TSEN34: variants seen among roughly 807,000 people sequenced by gnomAD.
TSEN34 encodes the protein tRNA-splicing endonuclease subunit Sen34.
In TSEN34, 25 loss-of-function variants were observed where a neutral mutation model predicts 30.2. The ratio of observed to expected loss-of-function variants is 0.83; its 90% CI spans 0.60 to 1.16. The LOEUF is 1.16. Ranked by LOEUF, TSEN34 falls within the 50% of genes most tolerant of loss-of-function variation. The pLI is 0.00. For missense variants in TSEN34, 475 were observed against 411.9 expected (o/e 1.15, Z -1.33); for synonymous variants, 209 against 177.4 (o/e 1.18, Z -1.41).
chr19:54,194,266 T>G lies in TSEN34; in HGVS notation c.*904T>G, dbSNP rs780613700. 6.6e-6 allele frequency: 1 copy of G among 151,952 alleles called. No individual in the cohort carries two copies. The highest frequency in any genetic ancestry group is 2.4e-5 in the African/African-American group (1 of 41,364). The allele number at this position is 151,952 out of a possible 1,614,324, so 9.4% of individuals were successfully genotyped here. On this transcript the variant is annotated 3_prime_UTR_variant, in exon 4 of 4. Transcript: ENST00000396388. ...TATGAAAGGAAATGAGTATTGTAAT[T>G]TTAGGAGTTCAGAGCCTGGGGAGAA...
Position 54,191,558 on chromosome 19 carries a change from C to T in TSEN34, c.194C>T (p.Ala65Val). Residue 65 changes from alanine (A) to valine (V), a missense_variant, in exon 1 of 4, where the codon GCC (alanine) becomes GTC (valine). Physicochemically the swap from Ala to Val is moderately conservative, Grantham distance 64. Transcript: ENST00000396388. The part of the protein sequence containing the change: ...EEARLLAEIG[A>V]VTLVSAPRPD... The stretch of plus-strand genomic sequence containing the variant: ...GCGCGGCTCTTGGCCGAGATCGGCG[C>T]CGTGACTCTGGTCAGCGCCCCGCGT... 1 of 1,601,922 alleles carries T rather than the reference C, an allele frequency of 6.2e-7. No homozygotes were observed. Among genetic ancestry groups the T allele is most frequent in the Non-Finnish European group, 8.5e-7 (1 of 1,179,476 alleles).
At position 54,194,433 on chromosome 19, in the gene TSEN34, G is replaced by A. The variant is rs941657648; in HGVS notation, c.*1071G>A. 6.6e-6 allele frequency: 1 copy of A among 152,010 alleles called. No homozygotes were observed. Among genetic ancestry groups the A allele is most frequent in the African/African-American group, 2.4e-5 (1 of 41,398 alleles). The allele number at this position is 152,010 out of a possible 1,614,324, so 9.4% of individuals were successfully genotyped here. The stretch of plus-strand genomic sequence containing the variant: ...TATAAAAGCTAAAACACATGTATTT[G>A]TAAAAAATTTGCACTTATGAAATCA... On this transcript the variant is annotated 3_prime_UTR_variant, in exon 4 of 4. Transcript: ENST00000396388.
At position 54,192,109 on chromosome 19, in the gene TSEN34, C is replaced by T. The variant is rs750048066; in HGVS notation, c.488-7C>T. 2 of 1,614,084 alleles carry T rather than the reference C, an allele frequency of 1.2e-6. No individual in the cohort carries two copies. Among genetic ancestry groups the T allele is most frequent in the African/African-American group, 2.7e-5 (2 of 74,924 alleles). ...TTTACCAAACTCTTCTCTGTACTCC[C>T]CACCAGGCCCCTCGTCTTCCCAAGC... On this transcript the variant is annotated splice_region_variant and splice_polypyrimidine_tract_variant and intron_variant, in intron 2 of 3. Coordinates refer to ENST00000396388, the MANE Select transcript of TSEN34 (RefSeq NM_001077446.4).
Position 54,193,537 on chromosome 19 carries a change from T to C in TSEN34, c.*175T>C, listed in dbSNP as rs77548142. The C allele has an allele frequency of 1.0e-3, 1,587 of 1,537,510 alleles. 13 individuals carry two copies. In the African/African-American group the frequency reaches 0.019, roughly 19 times the overall value. ...GTTCTTCCTTGTTTCAAAGCACTTA[T>C]TGGCTGTGTTTTTGTAGTTACCTAT... is the stretch of plus-strand genomic sequence containing the variant. On this transcript the variant is annotated 3_prime_UTR_variant, in exon 4 of 4. Transcript: ENST00000396388.
In TSEN34 at chr19:54,193,182, C is replaced by T. The variant is rs755404813; in HGVS notation, c.753C>T (p.Pro251=). ...GGDFLVYPGD[P]LRFHAHYIAQ... The stretch of plus-strand genomic sequence containing the variant: ...CCTCTCTCCTTCCCCCAGGTGACCC[C>T]CTCCGCTTCCACGCCCATTATATCG... The change falls in exon 4 of 4, where the codon CCC becomes CCT. Residue 251 remains proline (P), a synonymous_variant. Transcript: ENST00000396388. The T allele has an allele frequency of 1.2e-6, 2 of 1,613,552 alleles. No homozygotes were observed. The highest frequency in any genetic ancestry group is 2.2e-5 in the East Asian group (1 of 44,888).
At chr19:54,191,004 C>A (rs1187696648), upstream of TSEN34, 3 of 1,119,560 alleles carry the variant, frequency 2.7e-6, no homozygotes, top group East Asian at 1.1e-4. Context: ...GCCGCGCTTG[C>A]GGAGGTTTGT....
chr19:54,190,498 G>A, upstream of TSEN34: 1 of 1,376,214 alleles, frequency 7.3e-7, no homozygotes, highest in Non-Finnish European at 9.5e-7. Context: ...CAGGGGGCGG[G>A]GCTTTCGGCT....
chr19:54,191,239 AG>A, upstream of TSEN34: 1 of 1,452,882 alleles, frequency 6.9e-7, no homozygotes, highest in Non-Finnish European at 9.0e-7. Context: ...CGGCTGAGCG[AG>A]GCCCCGCCCC....
Position 54,191,568 on chromosome 19 carries a change from GGTCAGCGCCCCGC to G in TSEN34, c.208_220del (p.Ser70GlnfsTer10). 1.2e-6 allele frequency: 2 copies of G among 1,602,248 alleles called. No individual in the cohort carries two copies. The highest frequency in any genetic ancestry group is 1.7e-6 in the Non-Finnish European group (2 of 1,179,512). ...TGGCCGAGATCGGCGCCGTGACTCT[GGTCAGCGCCCCGC>G]GTCCAGACTCTCGGCACCACAGCCT... On this transcript the variant is annotated frameshift_variant, in exon 1 of 4. Coordinates refer to ENST00000396388, the MANE Select transcript of TSEN34 (RefSeq NM_001077446.4). LOFTEE classifies it high-confidence loss of function.
upstream of TSEN34, chr19:54,190,754 T>G (rs913294122): frequency 2.3e-5 from 27 of 1,178,400 alleles, no homozygotes; most frequent in Middle Eastern, 6.8e-4. Flanking sequence ...ACGCCGAACT[T>G]CCTGTGCTCG....
upstream of TSEN34, chr19:54,189,987 A>G (rs2147061907): frequency 2.2e-6 from 1 of 456,450 alleles, no homozygotes; most frequent in Admixed American, 4.1e-5. Context: ...TGACGCTAGG[A>G]TGATAGGCGG....
intron 3 of TSEN34, among the ~76,000 whole-genome samples, 158 bp downstream of exon 3, chr19:54,192,531 G>A (rs2076749962): frequency 6.6e-6 from 1 of 151,638 alleles, no homozygotes; most frequent in African/African-American, 2.4e-5. Context: ...TTCCACCTCG[G>A]CCCCCCAAAG....
upstream of TSEN34, chr19:54,191,208 G>A (rs1249050533): frequency 7.1e-7 from 1 of 1,403,762 alleles, no homozygotes; most frequent in Non-Finnish European, 9.2e-7. Flanking sequence ...CTGGCGCTCG[G>A]GCCCAGCAGG....
chr19:54,190,747 C>G, upstream of TSEN34: 1 of 1,187,456 alleles, frequency 8.4e-7, no homozygotes, highest in Non-Finnish European at 1.0e-6. Flanking sequence ...CGCCCGAACG[C>G]CGAACTTCCT....
Position 54,191,416 on chromosome 19 carries a change from G to C in TSEN34, c.52G>C (p.Ala18Pro), listed in dbSNP as rs1325719668. ...CCGCTCCCTGGTGTGGGGAGCCGAG[G>C]CGGTGCAGGCCCTCCGGGAGCGCCT... Reference protein sequence around the residue: ...NGRSLVWGAEAVQALRERLGV... With the variant: ...NGRSLVWGAEPVQALRERLGV... The change falls in exon 1 of 4, where the codon GCG becomes CCG. Residue 18 changes from alanine (A) to proline (P), a missense_variant. By Grantham distance (27) the Ala-to-Pro change is conservative. Transcript: ENST00000396388. 1 of 1,548,994 alleles carries C rather than the reference G, an allele frequency of 6.5e-7. No homozygotes were observed. Among genetic ancestry groups the C allele is most frequent in the East Asian group, 2.4e-5 (1 of 40,918 alleles).
In TSEN34 at chr19:54,191,547, C is replaced by G; in HGVS notation, c.183C>G (p.Ala61=). The part of the protein sequence containing the change: ...LLMPEEARLL[A]EIGAVTLVSA... ...TGCCCGAAGAGGCGCGGCTCTTGGCCGAGATCGGCGCCGTGACTCTGGTCA... is the reference window on the plus strand; with the variant it reads ...TGCCCGAAGAGGCGCGGCTCTTGGCGGAGATCGGCGCCGTGACTCTGGTCA... Residue 61 remains alanine, a synonymous_variant, in exon 1 of 4, where the codon GCC becomes GCG. Transcript: ENST00000396388. The G allele has an allele frequency of 6.2e-7, 1 of 1,601,292 alleles. No individual in the cohort carries two copies. The highest frequency in any genetic ancestry group is 8.5e-7 in the Non-Finnish European group (1 of 1,179,308).
upstream of TSEN34, chr19:54,190,882 T>C: frequency 4.8e-6 from 5 of 1,043,766 alleles, no homozygotes; most frequent in Non-Finnish European, 5.8e-6. Context: ...GGGTGTGGCC[T>C]CGGCGGTGCC....
Position 54,194,202 on chromosome 19 carries a change from C to T in TSEN34, c.*840C>T, listed in dbSNP as rs966484432. The T allele has an allele frequency of 6.4e-6, 1 of 155,338 alleles. No homozygotes were observed. Among genetic ancestry groups the T allele is most frequent in the Non-Finnish European group, 1.4e-5 (1 of 70,444 alleles). 9.6% of individuals were successfully genotyped at this position (155,338 alleles called of 1,614,324 possible). On this transcript the variant is annotated 3_prime_UTR_variant, in exon 4 of 4. Coordinates refer to ENST00000396388, the MANE Select transcript of TSEN34 (RefSeq NM_001077446.4). Reference sequence around the variant, plus strand: ...GTGTGTATATATGTAAATATACACACATGTATGTATATATATGTGTGTGTA... The same window carrying T: ...GTGTGTATATATGTAAATATACACATATGTATGTATATATATGTGTGTGTA...
chr19:54,193,445 A>C lies in TSEN34; in HGVS notation c.*83A>C. On this transcript the variant is annotated 3_prime_UTR_variant, in exon 4 of 4. Transcript: ENST00000396388. ...CCCAGCTCTTCTCTGGGAGTCTAGA[A>C]CATCCTCCTACCTTTCTCCGCGGTT... 1 of 1,591,848 alleles carries C rather than the reference A, an allele frequency of 6.3e-7. No individual in the cohort carries two copies. The highest frequency in any genetic ancestry group is 8.6e-7 in the Non-Finnish European group (1 of 1,169,478).
Sources: gnomAD v4.1 joint callset for allele counts (sites outside exome capture counted in the v4.1 genomes callset) on GRCh38, gnomAD v4.1.1 for gene constraint, MANE v1.5 for transcripts, NCBI Gene and HGNC (gene_info 2026-07-23, HGNC 2026-07-21) for gene names.